The following THADA variants were observed in gnomAD, a reference collection of about 807,000 sequenced individuals.
THADA encodes THADA armadillo repeat containing.
In THADA, 213 loss-of-function variants were observed where a neutral mutation model predicts 219.8. That is an observed-to-expected ratio of 0.97 (90% CI 0.87 to 1.09). THADA has a LOEUF of 1.09. Ranked by LOEUF, THADA falls within the 50% of genes least tolerant of loss-of-function variation. THADA has a pLI of 0.00. For synonymous variants in THADA, 1,018 were observed against 828.9 expected, an observed-to-expected ratio of 1.23 and a Z score of -3.92; for missense variants, 2,956 against 2,311.3, an observed-to-expected ratio of 1.28 and a Z score of -5.72.
At chr2:43,578,917 T>C (rs1368230201) in intron 8 of THADA, among the ~76,000 whole-genome samples, 1 of 152,176 alleles carries the variant, frequency 6.6e-6, no homozygotes, top group South Asian at 2.1e-4. Context: ...CTGCAACCTC[T>C]ACTTCCTGGG....
chr2:43,325,298 G>GT lies in THADA; in HGVS notation c.4344-4759dup, dbSNP rs370573851. ...CCTTCCGGAATCCCAGTGGCTGCAG[G>GT]TTTTTTTTTTTGGTTTTGTTTTGTT... On this transcript the variant is annotated intron_variant, in intron 30 of 37. Coordinates refer to ENST00000405975, the MANE Select transcript of THADA (RefSeq NM_022065.5). Among the ~76,000 whole-genome samples, 458 of 147,104 alleles carry GT rather than the reference G, an allele frequency of 3.1e-3. 5 individuals carry two copies. The highest frequency in any genetic ancestry group is 0.025 in the East Asian group (124 of 4,992).
At chr2:43,385,012 A>T (rs1672470669) in intron 29 of THADA, among the ~76,000 whole-genome samples, 1 of 151,912 alleles carries the variant, frequency 6.6e-6, no homozygotes. Flanking sequence ...GTGGTGGTGC[A>T]CGCCTGTAGT....
chr2:43,322,674 CTTTTTTTTTTTTTT>C (rs34557514), intron 30 of THADA, among the ~76,000 whole-genome samples: 6 of 54,826 alleles, frequency 1.1e-4, no homozygotes, highest in South Asian at 8.5e-4. Context: ...ACATTCTATT[CTTTTTTTTTTTTTT>C]TTTTTTTTTT....
At chr2:43,314,804 A>G (rs962549607) in intron 31 of THADA, among the ~76,000 whole-genome samples, 3 of 152,250 alleles carry the variant, frequency 2.0e-5, no homozygotes, top group Admixed American at 6.5e-5. Flanking sequence ...AGAAGAGGAA[A>G]AAGAACACAG....
rs201491725 is a variant in THADA, at chr2:43,295,181, C to T, written c.4439-1968G>A. Among the ~76,000 whole-genome samples the T allele has an allele frequency of 2.1e-4, 32 of 152,338 alleles. No individual in the cohort carries two copies. In the East Asian group the frequency reaches 5.8e-3, roughly 27 times the overall value. On this transcript the variant is annotated intron_variant, in intron 31 of 37. Coordinates refer to ENST00000405975, the MANE Select transcript of THADA (RefSeq NM_022065.5). ...GAGCCAGGATGCTGACACTGCATTC[C>T]AGCCTGGGCGACAAAGTGAGACCCT... is the stretch of plus-strand genomic sequence containing the variant.
chr2:43,445,792 G>A (rs1229610912), intron 26 of THADA, among the ~76,000 whole-genome samples: 1 of 152,222 alleles, frequency 6.6e-6, no homozygotes, highest in Non-Finnish European at 1.5e-5. Context: ...TCTTGCCTCA[G>A]CCTCCTAAGT....
At chr2:43,337,439 T>TG (rs1666583235) in intron 30 of THADA, among the ~76,000 whole-genome samples, 1 of 152,174 alleles carries the variant, frequency 6.6e-6, no homozygotes. Flanking sequence ...GTTAATGAAA[T>TG]AATATTTACA....
chr2:43,564,567 A>C (rs1430288236), intron 15 of THADA: 1 of 152,260 alleles, frequency 6.6e-6, no homozygotes, highest in Admixed American at 6.5e-5. Flanking sequence ...CAAGATCCTA[A>C]ACTTAAGAAT....
intron 31 of THADA, among the ~76,000 whole-genome samples, chr2:43,313,150 T>C (rs1300496168): frequency 6.6e-6 from 1 of 152,234 alleles, no homozygotes; most frequent in African/African-American, 2.4e-5. Flanking sequence ...CAGGGCATTG[T>C]TGAACATTTC....
intron 36 of THADA, among the ~76,000 whole-genome samples, chr2:43,236,911 A>AAAG (rs1668092382): frequency 6.6e-6 from 1 of 150,976 alleles, no homozygotes; most frequent in African/African-American, 2.4e-5. Flanking sequence ...AATACAAAAA[A>AAAG]AAAAAAAAAA....
intron 26 of THADA, among the ~76,000 whole-genome samples, chr2:43,431,284 C>G (rs6544659): frequency 6.6e-6 from 1 of 151,872 alleles, no homozygotes; most frequent in Non-Finnish European, 1.5e-5. Context: ...TCAACCCACA[C>G]ATACATACAC....
intron 28 of THADA, among the ~76,000 whole-genome samples, chr2:43,424,426 C>T (rs1219294097): frequency 6.6e-6 from 1 of 152,102 alleles, no homozygotes; most frequent in East Asian, 1.9e-4. Context: ...ACATAAATTA[C>T]CCTTAACAAC....
chr2:43,417,417 C>T (rs10186921), intron 28 of THADA, among the ~76,000 whole-genome samples: 90,835 of 151,878 alleles, frequency 0.6, 28,450 homozygotes, highest in African/African-American at 0.77. Flanking sequence ...GGAAAATTTC[C>T]TTTGTAAGAA....
intron 30 of THADA, among the ~76,000 whole-genome samples, chr2:43,339,903 A>G (rs1273017090): frequency 1.3e-5 from 2 of 152,118 alleles, no homozygotes; most frequent in African/African-American, 4.8e-5. Context: ...AGTCCAGCAT[A>G]GGCAACACAG....
At chr2:43,430,145 G>A (rs1306949559) in intron 27 of THADA, 68 bp downstream of exon 27, 14 of 748,200 alleles carry the variant, frequency 1.9e-5, no homozygotes, top group Non-Finnish European at 2.2e-5. Context: ...TGCCTAGAGG[G>A]AAAATCTCAA....
intron 29 of THADA, among the ~76,000 whole-genome samples, chr2:43,355,464 CTTGT>C (rs756027242): frequency 1.2e-4 from 18 of 152,114 alleles, no homozygotes; most frequent in Admixed American, 3.3e-4. Context: ...GCCTTTTCAA[CTTGT>C]TTATTGTTTC....
At chr2:43,271,180 A>G (rs1318217240) in intron 36 of THADA, among the ~76,000 whole-genome samples, 2 of 152,168 alleles carry the variant, frequency 1.3e-5, no homozygotes, top group Non-Finnish European at 2.9e-5. Context: ...GTGGGTCCCT[A>G]TGGATGAAAC....
chr2:43,591,051 T>A, intron 3 of THADA, 97 bp from the exon 4 acceptor site: 2 of 1,173,838 alleles, frequency 1.7e-6, no homozygotes, highest in African/African-American at 3.1e-5. Context: ...CTGGGTACAG[T>A]GGCTCACCCC....
At chr2:43,457,227 A>G (rs1306934713) in intron 26 of THADA, among the ~76,000 whole-genome samples, 1 of 152,060 alleles carries the variant, frequency 6.6e-6, no homozygotes, top group Non-Finnish European at 1.5e-5. Context: ...AAATGGCGGT[A>G]TACACAATGC....
Sources: allele counts gnomAD v4.1 joint callset (sites outside exome capture counted in the v4.1 genomes callset), GRCh38; gene constraint gnomAD v4.1.1; transcripts MANE v1.5; gene names NCBI Gene and HGNC (gene_info 2026-07-23, HGNC 2026-07-21).